The following LINGO2 variants were observed in gnomAD, a reference collection of about 807,000 sequenced individuals.
LINGO2 encodes leucine-rich repeat and immunoglobulin-like domain-containing nogo receptor-interacting protein 2.
A neutral mutation model predicts 30.6 loss-of-function variants in LINGO2; 14 were observed. That is an observed-to-expected ratio of 0.46 (90% confidence interval 0.30 to 0.72). The LOEUF is 0.72. LINGO2 is among the 30% of genes least tolerant of loss of function. The pLI is 0.07. For synonymous variants in LINGO2, 317 were observed against 288.5 expected (o/e 1.10, Z -1.00); for missense variants, 729 against 751.7 (o/e 0.97, Z 0.35).
intron 2 of LINGO2, among the ~76,000 whole-genome samples, chr9:28,405,703 T>A (rs1303498264): frequency 6.6e-6 from 1 of 152,196 alleles, no homozygotes; most frequent in Non-Finnish European, 1.5e-5. Flanking sequence ...GAAGTGGTTG[T>A]TTTTAGAATA....
upstream of LINGO2, among the ~76,000 whole-genome samples, chr9:28,673,197 C>T (rs2136051591): frequency 6.6e-6 from 1 of 152,114 alleles, no homozygotes; most frequent in South Asian, 2.1e-4. Flanking sequence ...GAAATCAAAG[C>T]TGTAATTCCT....
chr9:28,289,873 C>T (rs1423453822), intron 4 of LINGO2, among the ~76,000 whole-genome samples: 1 of 152,184 alleles, frequency 6.6e-6, no homozygotes, highest in East Asian at 1.9e-4. Flanking sequence ...GAGGTATTCC[C>T]TCCACATTGT....
the LINGO2 span, among the ~76,000 whole-genome samples, chr9:28,834,454 A>G: frequency 6.6e-6 from 1 of 152,166 alleles, no homozygotes; most frequent in African/African-American, 2.4e-5. Flanking sequence ...TGAAAATTCT[A>G]TTGTATTTCC....
chr9:28,769,481 TATATATATATA>T, the LINGO2 span, among the ~76,000 whole-genome samples: 1 of 1,272 alleles, frequency 7.9e-4, no homozygotes, highest in African/African-American at 1.9e-3. Flanking sequence ...TATATATATA[TATATATATATA>T]TATATATATA....
At chr9:28,834,444 T>C in the LINGO2 span, among the ~76,000 whole-genome samples, 1 of 152,210 alleles carries the variant, frequency 6.6e-6, no homozygotes, top group Non-Finnish European at 1.5e-5. Flanking sequence ...ACTCCTTATT[T>C]GAAAATTCTA....
intron 5 of LINGO2, among the ~76,000 whole-genome samples, chr9:27,967,349 T>G (rs1345100059): frequency 1.3e-5 from 2 of 152,094 alleles, no homozygotes; most frequent in African/African-American, 4.8e-5. Context: ...GGATCATAAT[T>G]ATAAGGTTTT....
At chr9:28,880,336 T>C in the LINGO2 span, among the ~76,000 whole-genome samples, 1 of 152,202 alleles carries the variant, frequency 6.6e-6, no homozygotes, top group Non-Finnish European at 1.5e-5. Context: ...TTTGTAGCTT[T>C]GCCCCAGCCA....
the LINGO2 span, among the ~76,000 whole-genome samples, chr9:28,852,407 T>C: frequency 1.3e-5 from 2 of 152,094 alleles, no homozygotes; most frequent in East Asian, 1.9e-4. Flanking sequence ...AGTATCAAGG[T>C]AGAAGTTTAG....
chr9:28,849,081 A>G, the LINGO2 span, among the ~76,000 whole-genome samples: 27,882 of 151,992 alleles, frequency 0.18, 4,454 homozygotes, highest in African/African-American at 0.44. Context: ...GGAATTAAGG[A>G]GGAAAAACTT....
At chr9:28,948,182 C>T in the LINGO2 span, among the ~76,000 whole-genome samples, 2 of 151,696 alleles carry the variant, frequency 1.3e-5, no homozygotes, top group African/African-American at 4.8e-5. Flanking sequence ...TAAATATCAG[C>T]AATAGCATAT....
chr9:28,982,634 A>C, the LINGO2 span, among the ~76,000 whole-genome samples: 2 of 151,946 alleles, frequency 1.3e-5, no homozygotes, highest in Non-Finnish European at 2.9e-5. Flanking sequence ...TCAGAGAAAA[A>C]TTTTTCTAAA....
intron 2 of LINGO2, among the ~76,000 whole-genome samples, chr9:28,433,949 C>CTCTCTCTCTCTCTCTCTATATATATA (rs1225323260): frequency 1.1e-5 from 1 of 88,478 alleles, no homozygotes; most frequent in Non-Finnish European, 2.3e-5. Context: ...CTCTCTCTCT[C>CTCTCTCTCTCTCTCTCTATATATATA]TATATATATA....
the LINGO2 span, among the ~76,000 whole-genome samples, chr9:28,797,349 T>TAGAGAGAG: frequency 2.3e-3 from 145 of 64,422 alleles, no homozygotes; most frequent in Middle Eastern, 8.8e-3. Context: ...TATATATATA[T>TAGAGAGAG]ATATATATAT....
At chr9:28,658,168 T>C (rs1393060538) in intron 1 of LINGO2, among the ~76,000 whole-genome samples, 1 of 152,090 alleles carries the variant, frequency 6.6e-6, no homozygotes, top group Non-Finnish European at 1.5e-5. Context: ...ACCTAATATA[T>C]GGTCTATCCT....
chr9:28,252,528 G>C (rs1822241734), intron 4 of LINGO2, among the ~76,000 whole-genome samples: 1 of 151,944 alleles, frequency 6.6e-6, no homozygotes, highest in African/African-American at 2.4e-5. Flanking sequence ...GAGAGAATTT[G>C]GCACACATTA....
At chr9:28,200,996 CTTT>C (rs374650039) in intron 4 of LINGO2, among the ~76,000 whole-genome samples, 1 of 144,370 alleles carries the variant, frequency 6.9e-6, no homozygotes. Context: ...ACAGATTCAG[CTTT>C]TTTTTTTTTT....
chr9:29,172,942 T>C, the LINGO2 span, among the ~76,000 whole-genome samples: 1 of 151,916 alleles, frequency 6.6e-6, no homozygotes, highest in Admixed American at 6.6e-5. Context: ...CACTGTATCA[T>C]ACAATCTCAT....
chr9:29,192,003 T>C, the LINGO2 span, among the ~76,000 whole-genome samples: 37 of 152,140 alleles, frequency 2.4e-4, no homozygotes, highest in Admixed American at 2.0e-3. Flanking sequence ...AACATTAATG[T>C]AAAATACCCC....
the LINGO2 span, among the ~76,000 whole-genome samples, chr9:29,180,154 T>C: frequency 6.6e-6 from 1 of 152,178 alleles, no homozygotes; most frequent in African/African-American, 2.4e-5. Context: ...GAAAACACTC[T>C]GCCCCCTGCC....
Sources: allele counts gnomAD v4.1 joint callset (sites outside exome capture counted in the v4.1 genomes callset), GRCh38; gene constraint gnomAD v4.1.1; transcripts MANE v1.5; gene names NCBI Gene and HGNC (gene_info 2026-07-23, HGNC 2026-07-21).